Variants in ERGIC1 observed in about 807,000 individuals in gnomAD.
ERGIC1 encodes endoplasmic reticulum-golgi intermediate compartment 1.
ERGIC1 carries 19 observed loss-of-function variants against 38.3 expected under a neutral mutation model. The ratio of observed to expected loss-of-function variants is 0.50; its 90% CI spans 0.35 to 0.73. ERGIC1 has a LOEUF of 0.73. Among genes scored for constraint, ERGIC1 ranks in the 30% least tolerant of loss-of-function variants. The pLI is 0.01. For synonymous variants in ERGIC1, 124 were observed against 157.6 expected (o/e 0.79, Z 1.60); for missense variants, 294 against 389.2 (o/e 0.76, Z 2.06).
At chr5:172,924,175 C>T in intron 6 of ERGIC1, 66 bp downstream of exon 6, 1 of 1,431,054 alleles carries the variant, frequency 7.0e-7, no homozygotes, top group Non-Finnish European at 9.8e-7. Flanking sequence ...TCACCCAGTG[C>T]CCTCTGCCCT....
intron 1 of ERGIC1, among the ~76,000 whole-genome samples, chr5:172,849,645 GAAT>G (rs767494541): frequency 5.3e-4 from 80 of 152,324 alleles, no homozygotes; most frequent in Non-Finnish European, 9.0e-4. Context: ...TTCTGAATTT[GAAT>G]CCCTTACGTT....
At chr5:172,858,821 G>C (rs1347398826) in intron 1 of ERGIC1, among the ~76,000 whole-genome samples, 1 of 152,178 alleles carries the variant, frequency 6.6e-6, no homozygotes, top group Non-Finnish European at 1.5e-5. Flanking sequence ...AGATTCCAAG[G>C]CCCCTGCCAG....
intron 9 of ERGIC1, among the ~76,000 whole-genome samples, chr5:172,941,117 A>G (rs1319898879): frequency 6.6e-6 from 1 of 152,220 alleles, no homozygotes; most frequent in Non-Finnish European, 1.5e-5. Flanking sequence ...TGTCTCTACT[A>G]AAAATACAAA....
chr5:172,930,749 T>C (rs1763759964), intron 7 of ERGIC1, among the ~76,000 whole-genome samples: 2 of 152,366 alleles, frequency 1.3e-5, no homozygotes, highest in South Asian at 4.1e-4. Flanking sequence ...TGGACACCAC[T>C]ATCAAGCGTG....
chr5:172,883,818 C>CA lies in ERGIC1; in HGVS notation c.21-4874dup, dbSNP rs557562471. ...GCAACATGGCAAAACCCCATCCCTA[C>CA]AAAAAAATTAAAAAATTAGCCAGGC... On this transcript the variant is annotated intron_variant, in intron 1 of 9. Coordinates refer to ENST00000393784, the MANE Select transcript of ERGIC1 (RefSeq NM_001031711.3). Among the ~76,000 whole-genome samples the CA allele has an allele frequency of 1.2e-3, 185 of 152,210 alleles. 2 individuals carry two copies. The South Asian group carries it at 0.014, about 12-fold the overall frequency.
chr5:172,890,147 C>T (rs140519258), intron 2 of ERGIC1, among the ~76,000 whole-genome samples: 2 of 152,200 alleles, frequency 1.3e-5, no homozygotes, highest in Non-Finnish European at 2.9e-5. Context: ...ATATCGTGAG[C>T]CCCTGATAGG....
intron 3 of ERGIC1, 97 bp downstream of exon 3, chr5:172,897,171 G>A (rs1581552849): frequency 8.4e-7 from 1 of 1,186,076 alleles, no homozygotes; most frequent in Non-Finnish European, 1.2e-6. Context: ...GCTAACACCT[G>A]TAATCCCAAC....
intron 1 of ERGIC1, among the ~76,000 whole-genome samples, chr5:172,864,111 C>T (rs1761789561): frequency 6.6e-6 from 1 of 151,816 alleles, no homozygotes. Flanking sequence ...GCAGGAGAAT[C>T]GCTTGAACCC....
intron 4 of ERGIC1, 91 bp from the exon 5 acceptor site, chr5:172,914,623 G>A: frequency 6.2e-7 from 1 of 1,609,158 alleles, no homozygotes; most frequent in Non-Finnish European, 8.5e-7. Context: ...CCCCTGCAAT[G>A]GATGAATGAA....
At chr5:172,865,906 G>A (rs793030) in intron 1 of ERGIC1, among the ~76,000 whole-genome samples, 148,846 of 152,236 alleles carry the variant, frequency 0.98, 72,796 homozygotes, top group East Asian at 1. Context: ...CTCCCATCCT[G>A]AGAAGCAAAC....
intron 4 of ERGIC1, among the ~76,000 whole-genome samples, chr5:172,911,219 T>G (rs2113387703): frequency 6.6e-6 from 1 of 152,348 alleles, no homozygotes; most frequent in East Asian, 1.9e-4. Context: ...TTGGTGAGAT[T>G]TACGTCACAA....
intron 4 of ERGIC1, among the ~76,000 whole-genome samples, chr5:172,913,605 C>T (rs989735799): frequency 3.3e-5 from 5 of 152,182 alleles, no homozygotes; most frequent in Non-Finnish European, 4.4e-5. Context: ...AAATTGCTTC[C>T]AGCTGTTCTT....
rs909492559 is a variant in ERGIC1, at chr5:172,915,232, A to G, written c.375+394A>G. 25 of 598,296 alleles carry G rather than the reference A, an allele frequency of 4.2e-5. No homozygotes were observed. In the Admixed American group the frequency reaches 4.4e-4, roughly 11 times the overall value. 37.1% of individuals were successfully genotyped at this position (598,296 alleles called of 1,614,324 possible). On this transcript the variant is annotated intron_variant, in intron 5 of 9. Coordinates refer to ENST00000393784, the MANE Select transcript of ERGIC1 (RefSeq NM_001031711.3). ...AGTATCACGATACCACCCACTTCAC[A>G]AAGTTTGTGTGGGGATTAAATGAGC...
chr5:172,875,933 C>T (rs1762132142), intron 1 of ERGIC1, among the ~76,000 whole-genome samples: 1 of 152,194 alleles, frequency 6.6e-6, no homozygotes, highest in Admixed American at 6.5e-5. Context: ...ATGGATTGGG[C>T]TTATTGAATC....
At chr5:172,838,346 C>A (rs1042429082) in intron 1 of ERGIC1, among the ~76,000 whole-genome samples, 5 of 152,152 alleles carry the variant, frequency 3.3e-5, no homozygotes, top group African/African-American at 1.2e-4. Flanking sequence ...CATGGACCCC[C>A]CTCTGAGTGT....
At position 172,911,069 on chromosome 5, in the gene ERGIC1, G is replaced by A. The variant is rs536212482; in HGVS notation, c.250+1308G>A. Among the ~76,000 whole-genome samples the A allele has an allele frequency of 2.6e-5, 4 of 152,246 alleles. No individual in the cohort carries two copies. The South Asian group carries it at 6.2e-4, about 24-fold the overall frequency. Reference sequence around the variant, plus strand: ...CCTCTCCTGGACTGGGGTTCCAGCCGTCCCTCTGCCCAGCCTGGCACAGAG... The same window carrying A: ...CCTCTCCTGGACTGGGGTTCCAGCCATCCCTCTGCCCAGCCTGGCACAGAG... On this transcript the variant is annotated intron_variant, in intron 4 of 9. Coordinates refer to ENST00000393784, the MANE Select transcript of ERGIC1 (RefSeq NM_001031711.3).
chr5:172,847,553 C>T (rs1260730918), intron 1 of ERGIC1, among the ~76,000 whole-genome samples: 8 of 152,120 alleles, frequency 5.3e-5, no homozygotes, highest in East Asian at 3.9e-4. Flanking sequence ...CTTGCTCTGT[C>T]GCCAGGCTGG....
chr5:172,895,462 T>G (rs1343567418), intron 2 of ERGIC1, among the ~76,000 whole-genome samples: 2 of 148,394 alleles, frequency 1.3e-5, no homozygotes, highest in Non-Finnish European at 3.0e-5. Context: ...GTGTGGCGTA[T>G]TCAGCCCTCA....
chr5:172,873,294 C>G (rs957318680), intron 1 of ERGIC1, among the ~76,000 whole-genome samples: 10 of 152,250 alleles, frequency 6.6e-5, no homozygotes, highest in Admixed American at 2.0e-4. Flanking sequence ...CTTGCTCCCC[C>G]CAGCCCAGCA....
Sources: gnomAD v4.1 joint callset for allele counts (sites outside exome capture counted in the v4.1 genomes callset) on GRCh38, gnomAD v4.1.1 for gene constraint, MANE v1.5 for transcripts, NCBI Gene and HGNC (gene_info 2026-07-23, HGNC 2026-07-21) for gene names.